The following HMCN2 variants were observed in gnomAD, a reference collection of about 807,000 sequenced individuals.
HMCN2 encodes the protein hemicentin-2.
Under a neutral mutation model 377.5 loss-of-function variants are expected in HMCN2, and 325 were observed. That is an observed-to-expected ratio of 0.86 (90% confidence interval 0.79 to 0.94). The LOEUF (loss-of-function observed/expected upper bound fraction) is 0.94, where lower values mean the gene tolerates loss of function less well. Among genes scored for constraint, HMCN2 ranks in the 40% least tolerant of loss-of-function variants. The pLI is 0.00. For missense variants in HMCN2, 4,543 were observed against 4,725.3 expected, an observed-to-expected ratio of 0.96 and a Z score of 1.13; for synonymous variants, 2,007 against 2,046.8, an observed-to-expected ratio of 0.98 and a Z score of 0.53.
chr9:130,429,455 G>C, intron 93 of HMCN2, 102 bp from the exon 94 acceptor site: 1 of 1,422,132 alleles, frequency 7.0e-7, no homozygotes, highest in Non-Finnish European at 9.5e-7. Context: ...ACTGGAGAAG[G>C]GGACAGGGAG....
intron 14 of HMCN2, among the ~76,000 whole-genome samples, chr9:130,307,949 G>C (rs1380903563): frequency 6.6e-6 from 1 of 151,966 alleles, no homozygotes; most frequent in African/African-American, 2.4e-5. Context: ...TTATTTTTTT[G>C]TTTTATTTAT....
chr9:130,384,228 G>C (rs1841893121), intron 57 of HMCN2, 145 bp from the exon 58 acceptor site: 1 of 581,214 alleles, frequency 1.7e-6, no homozygotes, highest in Non-Finnish European at 2.6e-6. Flanking sequence ...GAGAGTCATG[G>C]CAAATGGAGG....
In HMCN2 at chr9:130,402,673, T is replaced by A. The variant is rs966041360; in HGVS notation, c.11771-116T>A. The stretch of plus-strand genomic sequence containing the variant: ...TCACATCCCCCAGACTGTTTGTAAA[T>A]GGGCAAAGGAGGCAGGTTGAGTGAC... On this transcript the variant is annotated intron_variant, in intron 77 of 97. Transcript: ENST00000683500. 3 of 512,662 alleles carry A rather than the reference T, an allele frequency of 5.9e-6. No homozygotes were observed. The Admixed American group carries it at 9.1e-5, about 15-fold the overall frequency. The allele number at this position is 512,662 out of a possible 1,614,324, so 31.8% of individuals were successfully genotyped here. A position where few individuals can be genotyped will look rare whatever the true frequency, so the allele number is the denominator to read the frequency against.
chr9:130,279,642 C>T (rs1418788270), intron 1 of HMCN2, among the ~76,000 whole-genome samples: 2 of 152,160 alleles, frequency 1.3e-5, no homozygotes, highest in African/African-American at 4.8e-5. Flanking sequence ...CGTGAGCCAC[C>T]GTGCCCGGCC....
chr9:130,332,582 C>CG lies in HMCN2; in HGVS notation c.3359+5110dup, dbSNP rs1441338719. 2.2e-4 allele frequency among the ~76,000 whole-genome samples: 33 copies of CG among 152,344 alleles called. 2 individuals carry two copies. In the South Asian group the frequency reaches 6.8e-3, roughly 32 times the overall value. On this transcript the variant is annotated intron_variant, in intron 22 of 97. Transcript: ENST00000683500. ...CCAGCATCGCAGGGCTTACGCTCTC[C>CG]GGGCTCGTGCGATGGCGCTGGCTCC...
Position 130,357,927 on chromosome 9 carries a change from C to G in HMCN2, c.5519C>G (p.Thr1840Ser), listed in dbSNP as rs184579519. The G allele has an allele frequency of 7.7e-7, 1 of 1,304,192 alleles. No homozygotes were observed. Among genetic ancestry groups the G allele is most frequent in the African/African-American group, 1.5e-5 (1 of 65,988 alleles). 80.8% of individuals were successfully genotyped at this position (1,304,192 alleles called of 1,614,324 possible). A position where few individuals can be genotyped will look rare whatever the true frequency, so the allele number is the denominator to read the frequency against. ...TLQCIGDGVPTPSLRWWKDGV... is the reference protein window; with the variant it reads ...TLQCIGDGVPSPSLRWWKDGV... ...CAGTGCATAGGGGATGGGGTGCCCA[C>G]CCCAAGCCTCCGTTGGTGGAAGGAT... The change falls in exon 35 of 98, where the codon ACC becomes AGC. Residue 1840 changes from threonine to serine, a missense_variant. This residue lies in a region of HMCN2 where 1,032 missense variants were observed against 1,285.1 expected (regional missense o/e 0.80). Coordinates refer to ENST00000683500, the MANE Select transcript of HMCN2 (RefSeq NM_001291815.2).
Position 130,404,912 on chromosome 9 carries a change from C to A in HMCN2, c.12192C>A (p.Thr4064=), listed in dbSNP as rs547854435. ...IENGLPDLST[T]EGSHAFLPCK... ...ATGGCCTCCCAGACCTGTCCACCAC[C>A]GAAGGCTCCCACGCCTTCTTGCCTT... Residue 4064 remains threonine, a synonymous_variant, in exon 81 of 98, where the codon ACC becomes ACA. Transcript: ENST00000683500. 2.3e-6 allele frequency: 3 copies of A among 1,286,442 alleles called. No individual in the cohort carries two copies. The South Asian group carries it at 3.7e-5, about 16-fold the overall frequency. 79.7% of individuals were successfully genotyped at this position (1,286,442 alleles called of 1,614,324 possible).
chr9:130,349,759 C>A, intron 29 of HMCN2, 96 bp downstream of exon 29: 1 of 1,176,950 alleles, frequency 8.5e-7, no homozygotes, highest in Non-Finnish European at 1.1e-6. Flanking sequence ...TCTTGGGGAG[C>A]TGACAGGCAT....
Position 130,384,330 on chromosome 9 carries a change from G to A in HMCN2, c.8831-43G>A, listed in dbSNP as rs1426599860. 2.5e-5 allele frequency: 31 copies of A among 1,262,570 alleles called. 1 individual carries two copies. The South Asian group carries it at 4.1e-4, about 17-fold the overall frequency. The allele number at this position is 1,262,570 out of a possible 1,614,324, so 78.2% of individuals were successfully genotyped here. On this transcript the variant is annotated intron_variant, in intron 57 of 97. Coordinates refer to ENST00000683500, the MANE Select transcript of HMCN2 (RefSeq NM_001291815.2). ...TTGGGCTCTGTGCTCCCCTGCTGGT[G>A]TGATTCTCATGCCTTTCTCTACCGT...
chr9:130,387,890 G>A lies in HMCN2; in HGVS notation c.9392-519G>A, dbSNP rs537467876. On this transcript the variant is annotated intron_variant, in intron 61 of 97. Coordinates refer to ENST00000683500, the MANE Select transcript of HMCN2 (RefSeq NM_001291815.2). ...CCAGGAGTTTGAGATCAGACTGGGC[G>A]ACATAGTGAGAAGCTTGAATCTACA... is the stretch of plus-strand genomic sequence containing the variant. Among the ~76,000 whole-genome samples, 50 of 152,284 alleles carry A rather than the reference G, an allele frequency of 3.3e-4. No individual in the cohort carries two copies. The South Asian group carries it at 1.0e-2, about 30-fold the overall frequency.
At chr9:130,390,846 G>A (rs962536354) in intron 62 of HMCN2, 131 bp from the exon 63 acceptor site, 2 of 502,398 alleles carry the variant, frequency 4.0e-6, no homozygotes, top group South Asian at 8.5e-5. Flanking sequence ...AATGAGGAAG[G>A]CTTCTAAGGA....
At chr9:130,419,116 T>C in intron 86 of HMCN2, 75 bp downstream of exon 86, 1 of 1,358,336 alleles carries the variant, frequency 7.4e-7, no homozygotes, top group Non-Finnish European at 9.6e-7. Context: ...GTGGTGCTTA[T>C]GGGAGACCTG....
chr9:130,315,127 CA>C (rs1837462813), intron 15 of HMCN2, among the ~76,000 whole-genome samples: 1 of 150,170 alleles, frequency 6.7e-6, no homozygotes, highest in African/African-American at 2.5e-5. Context: ...CACCTGCAAG[CA>C]GGAAGTTAGT....
At chr9:130,291,354 C>T (rs918851789) in intron 4 of HMCN2, among the ~76,000 whole-genome samples, 18 of 152,124 alleles carry the variant, frequency 1.2e-4, no homozygotes, top group African/African-American at 3.9e-4. Context: ...GGATTACGGG[C>T]GCCTGCCACC....
intron 8 of HMCN2, among the ~76,000 whole-genome samples, chr9:130,301,610 C>A (rs575596187): frequency 6.6e-6 from 1 of 152,170 alleles, no homozygotes; most frequent in Admixed American, 6.5e-5. Flanking sequence ...TGCACACAGC[C>A]GAGGACGTGG....
intron 1 of HMCN2, among the ~76,000 whole-genome samples, chr9:130,268,782 G>T (rs368189233): frequency 6.0e-5 from 9 of 149,028 alleles, no homozygotes; most frequent in African/African-American, 2.2e-4. Flanking sequence ...ACAGGTGTGT[G>T]TGGGAGCTGG....
At chr9:130,318,917 C>T (rs910740558) in intron 15 of HMCN2, among the ~76,000 whole-genome samples, 4,960 of 152,274 alleles carry the variant, frequency 0.033, 263 homozygotes, top group African/African-American at 0.11. Flanking sequence ...TGGCTGTTTG[C>T]GGGGGCGGCA....
intron 24 of HMCN2, 119 bp from the exon 25 acceptor site, chr9:130,342,231 G>A (rs1404721076): frequency 3.9e-5 from 6 of 152,102 alleles, no homozygotes; most frequent in African/African-American, 1.5e-4. Flanking sequence ...GGAGGCTAGG[G>A]GCTGGGATTC....
At chr9:130,376,181 C>T (rs1254229615) in intron 51 of HMCN2, among the ~76,000 whole-genome samples, 192 bp downstream of exon 51, 1 of 152,136 alleles carries the variant, frequency 6.6e-6, no homozygotes, top group East Asian at 1.9e-4. Context: ...GGGCATGTGC[C>T]ACTTGGGCTC....
Sources: allele counts gnomAD v4.1 joint callset (sites outside exome capture counted in the v4.1 genomes callset), GRCh38; gene constraint gnomAD v4.1.1; regional missense constraint gnomAD v4.1.1; transcripts MANE v1.5; gene names NCBI Gene and HGNC (gene_info 2026-07-23, HGNC 2026-07-21).